GRM7: variants seen among roughly 807,000 people sequenced by gnomAD.
The protein encoded by GRM7 is glutamate metabotropic receptor 7, also known as metabotropic glutamate receptor 7.
GRM7 carries 35 observed loss-of-function variants against 84.5 expected under a neutral mutation model. The observed-to-expected ratio is 0.41, with a 90% CI of 0.32 to 0.55. The LOEUF (loss-of-function observed/expected upper bound fraction) is 0.55, where lower values mean the gene tolerates loss of function less well. GRM7 is among the 20% of genes least tolerant of loss of function. GRM7 has a pLI of 0.19. For missense variants in GRM7, 1,003 were observed against 1,194.6 expected, an observed-to-expected ratio of 0.84 and a Z score of 2.36; for synonymous variants, 487 against 455.1, an observed-to-expected ratio of 1.07 and a Z score of -0.89.
intron 7 of GRM7, among the ~76,000 whole-genome samples, chr3:7,550,567 CTCTCTCTCTCTGTGTGTGTG>C (rs1161166578): frequency 1.0e-3 from 103 of 101,930 alleles, no homozygotes; most frequent in Non-Finnish European, 9.4e-4. Context: ...CTCTCTCTCT[CTCTCTCTCTCTGTGTGTGTG>C]TGTGTGTGTG....
chr3:6,870,600 A>G (rs563713853), intron 1 of GRM7, among the ~76,000 whole-genome samples: 2 of 152,310 alleles, frequency 1.3e-5, no homozygotes, highest in African/African-American at 2.4e-5. Context: ...TAAAAGGACA[A>G]TGCTCTGTGG....
intron 1 of GRM7, among the ~76,000 whole-genome samples, chr3:6,933,904 T>C (rs1356711040): frequency 2.0e-5 from 3 of 152,170 alleles, no homozygotes; most frequent in South Asian, 2.1e-4. Flanking sequence ...TATTGACTTA[T>C]AAACTTTTGT....
chr3:7,330,656 C>T (rs945045606), intron 4 of GRM7, among the ~76,000 whole-genome samples: 4 of 152,194 alleles, frequency 2.6e-5, no homozygotes, highest in Non-Finnish European at 1.5e-5. Flanking sequence ...TCATTATCTC[C>T]TGCCTGCCGC....
At chr3:7,007,225 T>C (rs1172787570) in intron 1 of GRM7, among the ~76,000 whole-genome samples, 4 of 152,086 alleles carry the variant, frequency 2.6e-5, no homozygotes, top group Admixed American at 2.6e-4. Flanking sequence ...GCAAGTTCCG[T>C]TGGCCCTTCC....
intron 4 of GRM7, among the ~76,000 whole-genome samples, chr3:7,337,825 A>G (rs992668695): frequency 3.6e-4 from 55 of 152,132 alleles, no homozygotes; most frequent in African/African-American, 1.2e-3. Context: ...AACTAGTACA[A>G]CCACTATAGA....
chr3:7,506,550 G>T (rs2124971683), intron 7 of GRM7, among the ~76,000 whole-genome samples: 1 of 152,232 alleles, frequency 6.6e-6, no homozygotes, highest in South Asian at 2.1e-4. Context: ...GTTTTCTGTT[G>T]CTATAAGAAA....
intron 4 of GRM7, among the ~76,000 whole-genome samples, chr3:7,367,973 AC>A (rs1228997590): frequency 1.6e-3 from 4 of 2,548 alleles, no homozygotes; most frequent in East Asian, 0.02. Context: ...AACAACAACA[AC>A]AACTACACAG....
At chr3:7,558,865 A>G (rs1461046253) in intron 7 of GRM7, among the ~76,000 whole-genome samples, 1 of 152,168 alleles carries the variant, frequency 6.6e-6, no homozygotes, top group Non-Finnish European at 1.5e-5. Flanking sequence ...GGTTATATTC[A>G]ATCTTCAAAG....
chr3:7,557,674 T>C (rs1693836940), intron 7 of GRM7, among the ~76,000 whole-genome samples: 1 of 152,166 alleles, frequency 6.6e-6, no homozygotes, highest in African/African-American at 2.4e-5. Flanking sequence ...TGTATTTCAT[T>C]ACAGGCTTGT....
intron 4 of GRM7, among the ~76,000 whole-genome samples, chr3:7,316,792 A>T (rs1449970985): frequency 6.6e-6 from 1 of 152,144 alleles, no homozygotes; most frequent in Non-Finnish European, 1.5e-5. Context: ...GCAACCGGAT[A>T]CATAAGCCTG....
intron 1 of GRM7, among the ~76,000 whole-genome samples, chr3:6,905,253 T>C (rs1412310795): frequency 6.6e-6 from 1 of 152,234 alleles, no homozygotes; most frequent in Non-Finnish European, 1.5e-5. Context: ...AGTGTGTATT[T>C]CCTTTACTCA....
intron 1 of GRM7, among the ~76,000 whole-genome samples, chr3:6,951,509 G>A (rs1455349752): frequency 1.3e-5 from 2 of 152,128 alleles, no homozygotes; most frequent in African/African-American, 4.8e-5. Context: ...GTTTAAAACA[G>A]TTTTAATTTC....
intron 7 of GRM7, among the ~76,000 whole-genome samples, chr3:7,572,855 TATATATATATATATATATATATATAA>T (rs1196790810): frequency 3.1e-5 from 2 of 64,008 alleles, no homozygotes; most frequent in Non-Finnish European, 6.1e-5. Flanking sequence ...TATATATATA[TATATATATATATATATATATATATAA>T]ATAATCTTTC....
chr3:7,509,950 A>C (rs1014482520), intron 7 of GRM7, among the ~76,000 whole-genome samples: 3 of 152,168 alleles, frequency 2.0e-5, no homozygotes, highest in African/African-American at 7.2e-5. Flanking sequence ...AGAGAGCTAA[A>C]CCTGGAAAAC....
intron 4 of GRM7, among the ~76,000 whole-genome samples, chr3:7,358,232 A>G (rs924064230): frequency 6.6e-6 from 1 of 152,116 alleles, no homozygotes; most frequent in Non-Finnish European, 1.5e-5. Context: ...TTTTGTAGGA[A>G]ATTATGATTG....
chr3:7,240,649 C>T lies in GRM7; in HGVS notation c.737-58035C>T, dbSNP rs537673118. ...GATTTAAAAGTCTGTTTCTTTTTTC[C>T]ATTGCTTTTCGGGAAGATTTCAGTC... On this transcript the variant is annotated intron_variant, in intron 2 of 9. Transcript: ENST00000357716. Among the ~76,000 whole-genome samples the T allele has an allele frequency of 2.4e-3, 363 of 151,986 alleles. 1 individual carries two copies. The highest frequency in any genetic ancestry group is 8.2e-3 in the African/African-American group (341 of 41,472).
chr3:7,511,431 G>GTGCACCACAGACATTGTGAC (rs577604340), intron 7 of GRM7, among the ~76,000 whole-genome samples: 54 of 152,190 alleles, frequency 3.5e-4, no homozygotes, highest in South Asian at 1.9e-3. Context: ...ACAGTGGTGA[G>GTGCACCACAGACATTGTGAC]TGCACCACAG....
rs77221610 is a variant in GRM7, at chr3:7,056,652, A to T, written c.520-89800A>T. Among the ~76,000 whole-genome samples, 872 of 152,092 alleles carry T rather than the reference A, an allele frequency of 5.7e-3. 7 individuals are homozygous for T. The highest frequency in any genetic ancestry group is 0.01 in the Non-Finnish European group (683 of 67,932). On this transcript the variant is annotated intron_variant, in intron 1 of 9. Coordinates refer to ENST00000357716, the MANE Select transcript of GRM7 (RefSeq NM_000844.4). ...CGGAAGATAACTACTCATTTCTCTG[A>T]GATCTATTTACCATCCTGATCATTA...
intron 9 of GRM7, among the ~76,000 whole-genome samples, chr3:7,715,886 T>G (rs994387502): frequency 1.3e-5 from 2 of 152,186 alleles, no homozygotes; most frequent in Non-Finnish European, 1.5e-5. Flanking sequence ...CTGCAGGTAT[T>G]TGTCTCTTCT....
Sources: allele counts gnomAD v4.1 joint callset (sites outside exome capture counted in the v4.1 genomes callset), GRCh38; gene constraint gnomAD v4.1.1; transcripts MANE v1.5; gene names NCBI Gene and HGNC (gene_info 2026-07-23, HGNC 2026-07-21).